SCAF4: variants seen among roughly 807,000 people sequenced by gnomAD.
The protein encoded by SCAF4 is SR-related CTD associated factor 4.
Under a neutral mutation model 129.8 loss-of-function variants are expected in SCAF4, and 25 were observed. That is an observed-to-expected ratio of 0.19 (90% CI 0.14 to 0.27). The LOEUF (loss-of-function observed/expected upper bound fraction) is 0.27, where lower values mean the gene tolerates loss of function less well. Among genes scored for constraint, SCAF4 ranks in the 10% least tolerant of loss-of-function variants. The probability of loss-of-function intolerance (pLI) is 1.00; values close to 1 mark genes in which losing one functional copy is unlikely to be tolerated. For synonymous variants in SCAF4, 551 were observed against 497.7 expected (o/e 1.11, Z -1.43); for missense variants, 1,246 against 1,457.1 (o/e 0.86, Z 2.36).
Position 31,671,718 on chromosome 21 carries a change from C to T in SCAF4, c.3125G>A (p.Arg1042Lys), listed in dbSNP as rs1379159977. ...ATTTCTCTCTTCCAAGTCTCTGTGC[C>T]TGTCCCGGTCAGGGCTCCTCCTTCC... is the stretch of plus-strand genomic sequence containing the variant. The part of the protein sequence containing the change: ...EWGRRSPDRD[R>K]HRDLEERNRR... The change falls in exon 20 of 20, where the codon AGG becomes AAG. Residue 1042 changes from arginine to lysine, a missense_variant. Around this residue, in one of 6 missense-constraint regions of SCAF4, gnomAD observed 339 missense variants for 325.0 expected, o/e 1.04. Transcript: ENST00000286835. The T allele has an allele frequency of 1.2e-6, 2 of 1,614,156 alleles. No individual in the cohort carries two copies. Among genetic ancestry groups the T allele is most frequent in the Non-Finnish European group, 1.7e-6 (2 of 1,179,990 alleles).
Position 31,685,722 on chromosome 21 carries a change from A to C in SCAF4, c.2055T>G (p.His685Gln), listed in dbSNP as rs1346407199. ...CACCAACTACAGGTGGACCCGGTTG[A>C]TGTGGTGGGACCTAGAAAGAAAGAT... ...ITVPPPQVPPHQPGPPVVGAL... is the reference protein window; with the variant it reads ...ITVPPPQVPPQQPGPPVVGAL... Residue 685 changes from histidine to glutamine, a missense_variant, in exon 17 of 20, where the codon CAT becomes CAG. Coordinates refer to ENST00000286835, the MANE Select transcript of SCAF4 (RefSeq NM_020706.2). The C allele has an allele frequency of 6.3e-7, 1 of 1,598,592 alleles. No individual in the cohort carries two copies.
chr21:31,700,929 T>C (rs968055254), intron 7 of SCAF4, 66 bp downstream of exon 7: 8 of 1,491,806 alleles, frequency 5.4e-6, no homozygotes. Context: ...GATACAGAAG[T>C]GATAATTTCC....
At position 31,717,866 on chromosome 21, in the gene SCAF4, C is replaced by CAT. The variant is rs1568861925; in HGVS notation, c.31-11510_31-11509insAT. 3.2e-3 allele frequency among the ~76,000 whole-genome samples: 354 copies of CAT among 109,358 alleles called. 12 individuals carry two copies. Among genetic ancestry groups the CAT allele is most frequent in the African/African-American group, 0.016 (335 of 21,550 alleles). The allele number at this position is 109,358 out of a possible 152,430, so 71.7% of individuals were successfully genotyped here. A position where few individuals can be genotyped will look rare whatever the true frequency, so the allele number is the denominator to read the frequency against. ...ATACACACACACACACACACACACA[C>CAT]ACACATATACACATATATACACATA... On this transcript the variant is annotated intron_variant, in intron 1 of 19. Transcript: ENST00000286835.
chr21:31,711,900 A>G (rs972764796), intron 1 of SCAF4, among the ~76,000 whole-genome samples: 3 of 152,188 alleles, frequency 2.0e-5, no homozygotes, highest in African/African-American at 7.2e-5. Flanking sequence ...AATTACTAAA[A>G]TAGGGTCAAT....
chr21:31,698,021 G>T (rs983191912), intron 7 of SCAF4, among the ~76,000 whole-genome samples: 1 of 152,060 alleles, frequency 6.6e-6, no homozygotes, highest in Non-Finnish European at 1.5e-5. Flanking sequence ...TTCAACAACA[G>T]GACAGTCTGT....
intron 14 of SCAF4, 94 bp from the exon 15 acceptor site, chr21:31,691,047 G>A (rs901474043): frequency 5.9e-5 from 60 of 1,011,490 alleles, no homozygotes; most frequent in South Asian, 2.1e-4. Flanking sequence ...ATTCCGACTC[G>A]GGCACCAAGG....
intron 1 of SCAF4, among the ~76,000 whole-genome samples, chr21:31,707,817 C>A (rs1437862994): frequency 6.6e-6 from 1 of 152,196 alleles, no homozygotes; most frequent in Non-Finnish European, 1.5e-5. Flanking sequence ...ATTTTCACAT[C>A]TTTTCAAAAC....
chr21:31,685,009 G>A (rs1411781401), intron 19 of SCAF4, 40 bp downstream of exon 19: 1 of 733,038 alleles, frequency 1.4e-6, no homozygotes, highest in South Asian at 1.6e-5. Context: ...TGGGGGGGGG[G>A]TGGGGCAAGG....
intron 19 of SCAF4, among the ~76,000 whole-genome samples, chr21:31,673,985 A>C (rs1480006649): frequency 6.6e-6 from 1 of 152,212 alleles, no homozygotes; most frequent in Admixed American, 6.5e-5. Flanking sequence ...CACCAGAAAA[A>C]CGGGGGAAAC....
At chr21:31,709,791 TG>T (rs1348964865) in intron 1 of SCAF4, among the ~76,000 whole-genome samples, 2 of 152,006 alleles carry the variant, frequency 1.3e-5, no homozygotes, top group Non-Finnish European at 2.9e-5. Context: ...AGTGATATGT[TG>T]TATTTTTTAC....
At chr21:31,701,517 T>C (rs2050531252) in intron 6 of SCAF4, among the ~76,000 whole-genome samples, 2 of 152,220 alleles carry the variant, frequency 1.3e-5, no homozygotes, top group Non-Finnish European at 1.5e-5. Flanking sequence ...AATGCTAGAA[T>C]TGTGAGCAAC....
intron 7 of SCAF4, among the ~76,000 whole-genome samples, chr21:31,699,410 A>G (rs111703940): frequency 0.027 from 4,154 of 152,274 alleles, 68 homozygotes; most frequent in Non-Finnish European, 0.041. Context: ...TCGTATGTGC[A>G]TGCAAACAAG....
At chr21:31,688,936 T>TA (rs1431809957) in intron 15 of SCAF4, among the ~76,000 whole-genome samples, 19 of 152,302 alleles carry the variant, frequency 1.2e-4, no homozygotes, top group African/African-American at 4.6e-4. Flanking sequence ...AAGAATAACT[T>TA]AAACTTCCCA....
At chr21:31,727,446 T>G (rs142206939) in intron 1 of SCAF4, among the ~76,000 whole-genome samples, 338 of 152,276 alleles carry the variant, frequency 2.2e-3, no homozygotes, top group Non-Finnish European at 4.2e-3. Flanking sequence ...AAGATACAAT[T>G]CTTCAGGATT....
intron 1 of SCAF4, among the ~76,000 whole-genome samples, chr21:31,721,589 A>C (rs2051067807): frequency 6.6e-6 from 1 of 152,198 alleles, no homozygotes; most frequent in African/African-American, 2.4e-5. Context: ...TTGCTCTTTA[A>C]TGCAACTGCA....
intron 16 of SCAF4, among the ~76,000 whole-genome samples, chr21:31,687,503 T>C (rs1225054294): frequency 6.6e-6 from 1 of 152,162 alleles, no homozygotes; most frequent in Non-Finnish European, 1.5e-5. Context: ...CTAGTATTGC[T>C]TTTCAAGTAA....
chr21:31,685,735 TAGAAAGAAAG>T lies in SCAF4; in HGVS notation c.2044-12_2044-3del, dbSNP rs753133252. On this transcript the variant is annotated splice_polypyrimidine_tract_variant and splice_region_variant and intron_variant, in intron 16 of 19. Coordinates refer to ENST00000286835, the MANE Select transcript of SCAF4 (RefSeq NM_020706.2). The stretch of plus-strand genomic sequence containing the variant: ...TGGACCCGGTTGATGTGGTGGGACC[TAGAAAGAAAG>T]ATAAAAGAATAAACCACCTATCTAG... The T allele has an allele frequency of 1.3e-5, 21 of 1,571,128 alleles. No homozygotes were observed. Among genetic ancestry groups the T allele is most frequent in the African/African-American group, 4.1e-5 (3 of 73,048 alleles).
At chr21:31,687,321 T>C (rs1004112961) in intron 16 of SCAF4, among the ~76,000 whole-genome samples, 4 of 152,100 alleles carry the variant, frequency 2.6e-5, no homozygotes, top group Non-Finnish European at 5.9e-5. Context: ...ACATATATTA[T>C]CTCATTTAAC....
intron 16 of SCAF4, among the ~76,000 whole-genome samples, 192 bp from the exon 17 acceptor site, chr21:31,685,925 G>A (rs555403878): frequency 5.3e-5 from 8 of 152,234 alleles, no homozygotes; most frequent in Admixed American, 2.0e-4. Flanking sequence ...GCTGTGGGCC[G>A]GGTGTGGTGG....
Sources: gnomAD v4.1 joint callset for allele counts (sites outside exome capture counted in the v4.1 genomes callset) on GRCh38, gnomAD v4.1.1 for gene constraint, gnomAD v4.1.1 regional missense constraint, MANE v1.5 for transcripts, NCBI Gene and HGNC (gene_info 2026-07-23, HGNC 2026-07-21) for gene names.